KCNC4: variants seen among roughly 807,000 people sequenced by gnomAD.
The protein encoded by KCNC4 is potassium voltage-gated channel subfamily C member 4.
A neutral mutation model predicts 42.8 loss-of-function variants in KCNC4; 23 were observed. The observed-to-expected ratio is 0.54, with a 90% CI of 0.39 to 0.76. The LOEUF (loss-of-function observed/expected upper bound fraction) is 0.76. KCNC4 is among the 30% of genes least tolerant of loss of function. The probability of loss-of-function intolerance (pLI) is 0.00; values close to 1 mark genes in which losing one functional copy is unlikely to be tolerated. For missense variants in KCNC4, 751 were observed against 898.2 expected, an observed-to-expected ratio of 0.84 and a Z score of 2.10; for synonymous variants, 422 against 393.5, an observed-to-expected ratio of 1.07 and a Z score of -0.86.
At chr1:110,212,248 C>A in intron 1 of KCNC4, 71 bp downstream of exon 1, 2 of 1,342,854 alleles carry the variant, frequency 1.5e-6, no homozygotes, top group South Asian at 3.9e-5. Context: ...TGGGTAGGGG[C>A]CGGGAGGAGC....
intron 1 of KCNC4, among the ~76,000 whole-genome samples, chr1:110,264,514 C>T (rs1431007200): frequency 6.6e-6 from 1 of 152,138 alleles, no homozygotes; most frequent in Non-Finnish European, 1.5e-5. Flanking sequence ...GATATGCCAG[C>T]AGATCCATTT....
intron 1 of KCNC4, among the ~76,000 whole-genome samples, chr1:110,266,616 G>A (rs1282991928): frequency 6.6e-6 from 1 of 152,122 alleles, no homozygotes. Flanking sequence ...CTTGCCCAAG[G>A]GCACAGAACC....
downstream of KCNC4, chr1:110,238,737 GA>G (rs947583653): frequency 6.6e-6 from 1 of 152,148 alleles, no homozygotes; most frequent in Non-Finnish European, 1.5e-5. Context: ...CATTCACCTT[GA>G]GGCTGAGATA....
exon 4 of KCNC4, chr1:110,244,767 A>T (rs1659107721): frequency 6.6e-6 from 1 of 152,250 alleles, no homozygotes; most frequent in Admixed American, 6.5e-5. Flanking sequence ...AATTCAGGTC[A>T]GCTCTACTTG....
intron 1 of KCNC4, among the ~76,000 whole-genome samples, chr1:110,265,908 T>G (rs144800907): frequency 2.7e-3 from 406 of 152,344 alleles, no homozygotes; most frequent in Non-Finnish European, 5.3e-3. Context: ...TCATTCATTC[T>G]TTCAGCACAG....
chr1:110,212,038 A>G lies in KCNC4; in HGVS notation c.539A>G (p.Asp180Gly). Residue 180 changes from aspartate (D) to glycine (G), a missense_variant, in exon 1 of 4, where the codon GAT (aspartate) becomes GGT (glycine). Coordinates refer to ENST00000438661, the MANE Select transcript of KCNC4 (RefSeq NM_001039574.3). The stretch of plus-strand genomic sequence containing the variant: ...GGGCCCAGCGACGAGGCCGGCGACG[A>G]TGAGCGGGAGCTGGCCCTGCAGCGA... Reference protein sequence around the residue: ...GAGPSDEAGDDERELALQRLG... With the variant: ...GAGPSDEAGDGERELALQRLG... 1.3e-6 allele frequency: 2 copies of G among 1,584,440 alleles called. No individual in the cohort carries two copies. Among genetic ancestry groups the G allele is most frequent in the South Asian group, 1.1e-5 (1 of 88,500 alleles).
At chr1:110,220,318 G>A (rs1176992596) in intron 1 of KCNC4, 1 of 152,348 alleles carries the variant, frequency 6.6e-6, no homozygotes, top group African/African-American at 2.4e-5. Flanking sequence ...AATCCAGGGG[G>A]TTGTTCCCTA....
chr1:110,213,304 A>G (rs1258743116), intron 1 of KCNC4, among the ~76,000 whole-genome samples: 3 of 151,498 alleles, frequency 2.0e-5, no homozygotes, highest in Non-Finnish European at 2.9e-5. Context: ...TCTGGGAGAC[A>G]GGAAAGAGCA....
chr1:110,216,220 C>T (rs964443140), intron 1 of KCNC4, among the ~76,000 whole-genome samples: 13 of 152,230 alleles, frequency 8.5e-5, no homozygotes, highest in Admixed American at 4.6e-4. Flanking sequence ...TCAGTGATCA[C>T]GACAGGCTTT....
At chr1:110,224,019 A>G in intron 2 of KCNC4, 119 bp downstream of exon 2, 1 of 837,202 alleles carries the variant, frequency 1.2e-6, no homozygotes, top group Non-Finnish European at 1.9e-6. Context: ...CTAAGCATAA[A>G]GATGTGCCTT....
At chr1:110,231,498 C>A (rs951317021) in intron 3 of KCNC4, among the ~76,000 whole-genome samples, 3 of 152,194 alleles carry the variant, frequency 2.0e-5, no homozygotes, top group Admixed American at 1.3e-4. Flanking sequence ...GGACACTTGA[C>A]AGCCTTGCTG....
At chr1:110,251,108 A>G (rs1659242975), downstream of KCNC4, among the ~76,000 whole-genome samples, 1 of 152,118 alleles carries the variant, frequency 6.6e-6, no homozygotes, top group South Asian at 2.1e-4. Flanking sequence ...AGAGTGGTCT[A>G]CTGGCAGGAG....
At chr1:110,213,326 T>G (rs894992459) in intron 1 of KCNC4, among the ~76,000 whole-genome samples, 2 of 152,100 alleles carry the variant, frequency 1.3e-5, no homozygotes, top group Non-Finnish European at 2.9e-5. Context: ...TGTAACTTGT[T>G]GGGTCTGGGG....
At chr1:110,273,701 G>A (rs1358070082) in intron 1 of KCNC4, among the ~76,000 whole-genome samples, 1 of 152,228 alleles carries the variant, frequency 6.6e-6, no homozygotes, top group Non-Finnish European at 1.5e-5. Flanking sequence ...ATTCATTCTG[G>A]GGGAAGAGCT....
exon 4 of KCNC4, chr1:110,242,612 A>G (rs1571065610): frequency 6.6e-6 from 1 of 152,172 alleles, no homozygotes; most frequent in Non-Finnish European, 1.5e-5. Flanking sequence ...AGGGATTATC[A>G]TTCTTCTGGC....
chr1:110,271,120 G>A (rs1426829005), intron 1 of KCNC4, among the ~76,000 whole-genome samples: 1 of 152,128 alleles, frequency 6.6e-6, no homozygotes, highest in Non-Finnish European at 1.5e-5. Flanking sequence ...AACTGGCAAG[G>A]GCTAGATGCC....
At chr1:110,224,957 G>T (rs145545053) in intron 2 of KCNC4, 5 of 152,216 alleles carry the variant, frequency 3.3e-5, no homozygotes, top group African/African-American at 1.2e-4. Flanking sequence ...ATACATGCCC[G>T]GGTCCACTCA....
rs1399944003 is a variant in KCNC4, at chr1:110,233,043, G to A, written c.*71G>A. 5 of 1,538,212 alleles carry A rather than the reference G, an allele frequency of 3.3e-6. No homozygotes were observed. Among genetic ancestry groups the A allele is most frequent in the Non-Finnish European group, 4.4e-6 (5 of 1,132,894 alleles). The stretch of plus-strand genomic sequence containing the variant: ...AGGCTTAGGGAAACTCTGGAACCCA[G>A]ACAAGAATCTTTTCGCTGGGAAAGA... On this transcript the variant is annotated 3_prime_UTR_variant, in exon 4 of 4. Coordinates refer to ENST00000438661, the MANE Select transcript of KCNC4 (RefSeq NM_001039574.3).
chr1:110,251,586 C>T (rs1015270394), downstream of KCNC4, among the ~76,000 whole-genome samples: 1 of 152,200 alleles, frequency 6.6e-6, no homozygotes, highest in Middle Eastern at 3.2e-3. Flanking sequence ...CAGACTAATA[C>T]AAACATGAAG....
Sources: gnomAD v4.1 joint callset for allele counts (sites outside exome capture counted in the v4.1 genomes callset) on GRCh38, gnomAD v4.1.1 for gene constraint, MANE v1.5 for transcripts, NCBI Gene and HGNC (gene_info 2026-07-23, HGNC 2026-07-21) for gene names.